Variants in DEPDC5 observed in about 807,000 individuals in gnomAD.
DEPDC5 encodes DEP domain containing 5, GATOR1 subcomplex subunit, also known as GATOR1 complex protein DEPDC5.
A neutral mutation model predicts 217.3 loss-of-function variants in DEPDC5; 73 were observed. The observed-to-expected ratio is 0.34, with a 90% CI of 0.28 to 0.41. DEPDC5 has a LOEUF of 0.41. DEPDC5 is among the 10% of genes least tolerant of loss of function. The pLI, the probability that DEPDC5 is intolerant of heterozygous loss-of-function variation, is 1.00. For synonymous variants in DEPDC5, 733 were observed against 756.7 expected (o/e 0.97, Z 0.51); for missense variants, 1,675 against 2,070.1 (o/e 0.81, Z 3.70).
rs563998107 is a variant in DEPDC5 at position 31,871,596 on chromosome 22, C to T, written c.3485+852C>T. Among the ~76,000 whole-genome samples, 6 of 152,340 alleles carry T rather than the reference C, an allele frequency of 3.9e-5. No individual in the cohort carries two copies. The South Asian group carries it at 1.2e-3, about 32-fold the overall frequency. On this transcript the variant is annotated intron_variant, in intron 34 of 42. Coordinates refer to ENST00000651528, the MANE Select transcript of DEPDC5 (RefSeq NM_001242896.3). ...ATGCCCTTATACCCATCAAGCCTAC[C>T]TGGCTTTTTGGCTGTAGGCGTGGAG...
At chr22:31,810,459 C>T in intron 19 of DEPDC5, 62 bp from the exon 20 acceptor site, 1 of 1,603,456 alleles carries the variant, frequency 6.2e-7, no homozygotes, top group Non-Finnish European at 8.5e-7. Context: ...TTGTGTATTT[C>T]AGCTCTCAGG....
chr22:31,800,845 G>A (rs774698849), intron 14 of DEPDC5, among the ~76,000 whole-genome samples: 2 of 151,722 alleles, frequency 1.3e-5, no homozygotes, highest in African/African-American at 2.4e-5. Context: ...GCATGGTGGC[G>A]CACACCTGTA....
rs201690337 is a variant in DEPDC5 at position 31,845,237 on chromosome 22, G to T, written c.3021G>T (p.Arg1007=). 3.5e-4 allele frequency: 569 copies of T among 1,612,598 alleles called. No individual in the cohort carries two copies. The highest frequency in any genetic ancestry group is 4.4e-4 in the Non-Finnish European group (514 of 1,179,402). The change falls in exon 30 of 43, where the codon CGG becomes CGT. Residue 1007 remains arginine (R), a splice_region_variant and synonymous_variant. Transcript: ENST00000651528. ...GGCATCGCTCGGATCGCATGATGCG[G>T]GTAAGGGCTCCTTAGACTCAGGGAG... ...RRRHRSDRMM[R]KGTAMKGLQM... is the part of the protein sequence containing the mutation.
intron 21 of DEPDC5, chr22:31,815,973 A>G: frequency 6.1e-6 from 6 of 990,018 alleles, no homozygotes; most frequent in Non-Finnish European, 6.0e-6. Flanking sequence ...TGCCATATAT[A>G]AAACAACCTC....
chr22:31,889,507 AAC>A (rs1268052665), intron 38 of DEPDC5, among the ~76,000 whole-genome samples: 2 of 151,740 alleles, frequency 1.3e-5, no homozygotes, highest in South Asian at 2.1e-4. Flanking sequence ...CTTGGGAAGA[AAC>A]ACACAGTGTC....
Position 31,843,732 on chromosome 22 carries a change from A to G in DEPDC5, c.2721A>G (p.Glu907=). The change falls in exon 29 of 43, where the codon GAA becomes GAG. Residue 907 remains glutamate (E), a synonymous_variant. Transcript: ENST00000651528. ...SDSEFVSCWV[E]FSHERLEEYK... ...CAGAGTTCGTCTCCTGCTGGGTGGA[A>G]TTCTCCCACGAACGGCTGGAGGAGT... 1.2e-6 allele frequency: 2 copies of G among 1,614,042 alleles called. No individual in the cohort carries two copies. The highest frequency in any genetic ancestry group is 2.2e-5 in the East Asian group (1 of 44,866).
chr22:31,848,194 G>A (rs561777816), intron 31 of DEPDC5, among the ~76,000 whole-genome samples: 37 of 152,158 alleles, frequency 2.4e-4, no homozygotes, highest in East Asian at 7.8e-4. Flanking sequence ...CTGCTTTTAC[G>A]GCCTGGTGTT....
At chr22:31,766,560 GA>G in intron 5 of DEPDC5, 24 bp from the exon 6 acceptor site, 1 of 1,606,078 alleles carries the variant, frequency 6.2e-7, no homozygotes, top group South Asian at 1.1e-5. Flanking sequence ...TAATGTCAGA[GA>G]TATCATTTGA....
chr22:31,783,980 T>C lies in DEPDC5; in HGVS notation c.557T>C (p.Ile186Thr), dbSNP rs768571866. 3.1e-6 allele frequency: 5 copies of C among 1,613,502 alleles called. No homozygotes were observed. In the East Asian group the frequency reaches 1.1e-4, roughly 36 times the overall value. The change falls in exon 9 of 43, where the codon ATT becomes ACT. Residue 186 changes from isoleucine (I) to threonine (T), a missense_variant. Ile to Thr is a moderately conservative substitution (Grantham distance 89). This residue lies in a region of DEPDC5 where 628 missense variants were observed against 762.1 expected (regional missense o/e 0.82). Coordinates refer to ENST00000651528, the MANE Select transcript of DEPDC5 (RefSeq NM_001242896.3). ...QMSCEMWDFD[I>T]YGDLYFEKAV... ...AGCTGTGAAATGTGGGATTTTGATA[T>C]TTATGGTACTGTGTCTATGTGCTGA...
rs753759814 is a variant in DEPDC5 at position 31,897,577 on chromosome 22, C to A, written c.4299C>A (p.Asp1433Glu). The A allele has an allele frequency of 1.2e-5, 19 of 1,613,996 alleles. No individual in the cohort carries two copies. The highest frequency in any genetic ancestry group is 1.6e-5 in the Non-Finnish European group (19 of 1,180,016). The part of the protein sequence containing the change: ...PFALPSYLYG[D>E]PLRAQLFIPL... ...CACTGCCCAGTTACCTGTATGGCGA[C>A]CCCCTTCGTGCCCAGCTCTTCATCC... The change falls in exon 40 of 43, where the codon GAC becomes GAA. Residue 1433 changes from aspartate (D) to glutamate (E), a missense_variant. This residue lies in a region of DEPDC5 where 182 missense variants were observed against 290.1 expected (regional missense o/e 0.63). Coordinates refer to ENST00000651528, the MANE Select transcript of DEPDC5 (RefSeq NM_001242896.3).
chr22:31,758,330 A>AGAC (rs2082105431), intron 2 of DEPDC5, among the ~76,000 whole-genome samples: 1 of 152,130 alleles, frequency 6.6e-6, no homozygotes, highest in African/African-American at 2.4e-5. Flanking sequence ...CAGGGTATGG[A>AGAC]GACAAAGGTA....
At chr22:31,838,425 G>A (rs925334394) in intron 26 of DEPDC5, among the ~76,000 whole-genome samples, 1 of 151,744 alleles carries the variant, frequency 6.6e-6, no homozygotes, top group Non-Finnish European at 1.5e-5. Context: ...TATATTTTTT[G>A]GTAGAGACAG....
chr22:31,788,441 AT>A (rs570086659), intron 10 of DEPDC5, among the ~76,000 whole-genome samples: 508 of 136,946 alleles, frequency 3.7e-3, no homozygotes, highest in Middle Eastern at 3.7e-3. Context: ...TGCCCGGGCA[AT>A]TTTTTTTTTT....
At position 31,838,637 on chromosome 22, in the gene DEPDC5, A is replaced by C. The variant is rs1198535759; in HGVS notation, c.2355-48A>C. 3 of 1,601,222 alleles carry C rather than the reference A, an allele frequency of 1.9e-6. No individual in the cohort carries two copies. In the Admixed American group the frequency reaches 5.0e-5, roughly 27 times the overall value. The stretch of plus-strand genomic sequence containing the variant: ...ATGAGACTGTGCACTCTTAAGTGTC[A>C]CTGTCTCGGGCCAAGCATCTGTATG... On this transcript the variant is annotated intron_variant, in intron 26 of 42. Coordinates refer to ENST00000651528, the MANE Select transcript of DEPDC5 (RefSeq NM_001242896.3).
At chr22:31,813,141 G>T (rs573236328) in intron 20 of DEPDC5, among the ~76,000 whole-genome samples, 2 of 152,076 alleles carry the variant, frequency 1.3e-5, no homozygotes, top group African/African-American at 2.4e-5. Context: ...ATTGTTTTCT[G>T]CCCTTTTCTC....
chr22:31,801,348 G>C (rs1156523521), intron 14 of DEPDC5, among the ~76,000 whole-genome samples: 1 of 152,064 alleles, frequency 6.6e-6, no homozygotes. Flanking sequence ...CATGTTACTA[G>C]AATTTGAATA....
intron 10 of DEPDC5, among the ~76,000 whole-genome samples, chr22:31,790,994 G>A (rs1015348910): frequency 1.3e-5 from 2 of 151,842 alleles, no homozygotes; most frequent in African/African-American, 2.4e-5. Flanking sequence ...TGATCCACCC[G>A]CCTCAGCCTC....
chr22:31,776,401 C>T (rs947140806), intron 7 of DEPDC5, among the ~76,000 whole-genome samples: 5 of 151,872 alleles, frequency 3.3e-5, no homozygotes, highest in African/African-American at 1.2e-4. Flanking sequence ...TGTGAGTCAC[C>T]GTGCCCGGCC....
intron 10 of DEPDC5, among the ~76,000 whole-genome samples, chr22:31,786,807 G>C (rs546253476): frequency 6.6e-6 from 1 of 151,812 alleles, no homozygotes; most frequent in African/African-American, 2.4e-5. Flanking sequence ...ACAGGGTCTC[G>C]TTTTGTTGCC....
Sources: allele counts gnomAD v4.1 joint callset (sites outside exome capture counted in the v4.1 genomes callset), GRCh38; gene constraint gnomAD v4.1.1; regional missense constraint gnomAD v4.1.1; transcripts MANE v1.5; gene names NCBI Gene and HGNC (gene_info 2026-07-23, HGNC 2026-07-21).